Variants in CDC20B observed in about 807,000 individuals in gnomAD.
CDC20B encodes cell division cycle 20B.
In CDC20B, 58 loss-of-function variants were observed where a neutral mutation model predicts 64.1. The ratio of observed to expected loss-of-function variants is 0.90; its 90% CI spans 0.73 to 1.13. The LOEUF (loss-of-function observed/expected upper bound fraction) is 1.13, where lower values mean the gene tolerates loss of function less well. Ranked by LOEUF, CDC20B falls within the 50% of genes most tolerant of loss-of-function variation. The pLI is 0.00. For synonymous variants in CDC20B, 243 were observed against 230.6 expected, an observed-to-expected ratio of 1.05 and a Z score of -0.49; for missense variants, 597 against 633.0, an observed-to-expected ratio of 0.94 and a Z score of 0.61.
chr5:55,120,486 C>T lies in CDC20B; in HGVS notation c.1280G>A (p.Arg427His), dbSNP rs1232072108. The T allele has an allele frequency of 1.9e-6, 3 of 1,613,732 alleles. No individual in the cohort carries two copies. The highest frequency in any genetic ancestry group is 1.7e-5 in the Admixed American group (1 of 59,988). Residue 427 changes from arginine (R) to histidine (H), a missense_variant, in exon 10 of 12, where the codon CGC becomes CAC. Physicochemically the swap from Arg to His is conservative, Grantham distance 29. Around this residue, in one of 3 missense-constraint regions of CDC20B, gnomAD observed 353 missense variants for 397.0 expected, o/e 0.89. Coordinates refer to ENST00000381375, the MANE Select transcript of CDC20B (RefSeq NM_001170402.1). The part of the protein sequence containing the change: ...LAIGGGMKDG[R>H]LHILDINAGK... ...AGCATTTATATCCAAGATGTGTAAG[C>T]GTCCATCCTTCATTCCTCCTCCAAT...
chr5:55,141,006 C>T (rs1561293851), intron 4 of CDC20B, among the ~76,000 whole-genome samples: 2 of 152,192 alleles, frequency 1.3e-5, no homozygotes, highest in Non-Finnish European at 2.9e-5. Context: ...TTCTGTTTTG[C>T]TTCTTCACAA....
intron 2 of CDC20B, among the ~76,000 whole-genome samples, chr5:55,157,198 C>T (rs1743836689): frequency 6.6e-6 from 1 of 152,154 alleles, no homozygotes; most frequent in Non-Finnish European, 1.5e-5. Flanking sequence ...CATACTACCC[C>T]TTATGCAGAG....
chr5:55,160,961 C>T (rs1323667271), intron 2 of CDC20B: 2 of 1,582,500 alleles, frequency 1.3e-6, no homozygotes, highest in Non-Finnish European at 1.7e-6. Context: ...TTTTGCTTCA[C>T]TTTCCGGTTG....
intron 3 of CDC20B, among the ~76,000 whole-genome samples, chr5:55,144,091 G>C (rs1026014513): frequency 1.2e-4 from 18 of 151,824 alleles, no homozygotes; most frequent in African/African-American, 4.1e-4. Flanking sequence ...TGGTTTGCCC[G>C]AGCTATGGTC....
intron 11 of CDC20B, among the ~76,000 whole-genome samples, chr5:55,118,909 C>T (rs1742688530): frequency 6.6e-6 from 1 of 152,194 alleles, no homozygotes; most frequent in African/African-American, 2.4e-5. Flanking sequence ...CACTACCTAA[C>T]ATTGCATATA....
chr5:55,168,446 C>T (rs1307480362), intron 2 of CDC20B, among the ~76,000 whole-genome samples: 2 of 152,030 alleles, frequency 1.3e-5, no homozygotes, highest in Non-Finnish European at 2.9e-5. Flanking sequence ...GTGTGTATCC[C>T]TTTCTTTCCC....
rs34776567 is a variant in CDC20B at position 55,122,273 on chromosome 5, C to CT, written c.1216-1724dup. Among the ~76,000 whole-genome samples the CT allele has an allele frequency of 8.5e-3, 1,253 of 146,936 alleles. 18 individuals carry two copies. Among genetic ancestry groups the CT allele is most frequent in the African/African-American group, 0.029 (1,153 of 39,796 alleles). ...ATTAAACAATTTGGAAGTCTTTTCT[C>CT]TTTTTTTTTTTTTTAAGACACAGTC... On this transcript the variant is annotated intron_variant, in intron 9 of 11. Coordinates refer to ENST00000381375, the MANE Select transcript of CDC20B (RefSeq NM_001170402.1).
At chr5:55,158,024 T>C (rs906030573) in intron 2 of CDC20B, among the ~76,000 whole-genome samples, 2 of 152,184 alleles carry the variant, frequency 1.3e-5, no homozygotes, top group Non-Finnish European at 2.9e-5. Flanking sequence ...ACATCCACTA[T>C]GGAAAACAAA....
chr5:55,139,193 A>C (rs187197738), intron 5 of CDC20B, among the ~76,000 whole-genome samples: 84 of 152,316 alleles, frequency 5.5e-4, no homozygotes, highest in African/African-American at 1.9e-3. Context: ...GCAACAGTGG[A>C]TACTAGAAAA....
rs1178021026 is a variant in CDC20B, at chr5:55,133,506, A to G, written c.603T>C (p.Asp201=). The G allele has an allele frequency of 2.6e-6, 4 of 1,557,740 alleles. No homozygotes were observed. Among genetic ancestry groups the G allele is most frequent in the Non-Finnish European group, 3.5e-6 (4 of 1,141,914 alleles). The change falls in exon 6 of 12, where the codon GAT becomes GAC. Residue 201 remains aspartate (D), a synonymous_variant. Coordinates refer to ENST00000381375, the MANE Select transcript of CDC20B (RefSeq NM_001170402.1). ...VWKGCKDGVR[D]ESFHLKSSGD... Reference sequence around the variant, plus strand: ...CAGAACTTTTAAGATGGAAGGATTCATCTCTGACTCCATCTTTGCAGCCTA... The same window carrying G: ...CAGAACTTTTAAGATGGAAGGATTCGTCTCTGACTCCATCTTTGCAGCCTA...
chr5:55,142,438 T>C (rs1380690564), intron 4 of CDC20B, among the ~76,000 whole-genome samples: 4 of 152,156 alleles, frequency 2.6e-5, no homozygotes, highest in Non-Finnish European at 2.9e-5. Context: ...GGTATAACAA[T>C]TGCTAAGGAG....
chr5:55,161,579 G>A (rs1744066326), intron 2 of CDC20B, among the ~76,000 whole-genome samples: 1 of 152,186 alleles, frequency 6.6e-6, no homozygotes, highest in African/African-American at 2.4e-5. Flanking sequence ...ACTAGCATCT[G>A]GAGAAATGTC....
chr5:55,161,160 C>G lies in CDC20B; in HGVS notation c.126+11428G>C, dbSNP rs371064778. The G allele has an allele frequency of 5.6e-6, 9 of 1,614,052 alleles. No individual in the cohort carries two copies. Among genetic ancestry groups the G allele is most frequent in the Non-Finnish European group, 7.6e-6 (9 of 1,180,022 alleles). On this transcript the variant is annotated intron_variant, in intron 2 of 11. Transcript: ENST00000381375. ...CCCCGCCCAAGCAAGGAAGTAGAAT[C>G]TTTTGCAAGAAAAAACTACGGAGTA...
Position 55,124,922 on chromosome 5 carries a change from C to T in CDC20B, c.1096G>A (p.Asp366Asn). 2 of 1,614,184 alleles carry T rather than the reference C, an allele frequency of 1.2e-6. No homozygotes were observed. Among genetic ancestry groups the T allele is most frequent in the African/African-American group, 2.7e-5 (2 of 75,052 alleles). ...CAGCCGCTGGAAAGCAGCCTGCCAT[C>T]CGGTGACCACTTCAGAGCACACACA... The part of the protein sequence containing the change: ...QAVCALKWSP[D>N]GRLLSSGCSD... Residue 366 changes from aspartate to asparagine, a missense_variant, in exon 9 of 12, where the codon GAT (aspartate) becomes AAT (asparagine). Transcript: ENST00000381375.
At chr5:55,120,749 G>T (rs950173533) in intron 9 of CDC20B, among the ~76,000 whole-genome samples, 199 bp from the exon 10 acceptor site, 1 of 152,154 alleles carries the variant, frequency 6.6e-6, no homozygotes, top group African/African-American at 2.4e-5. Context: ...GGAAGGGAAG[G>T]TACCTAATAC....
At chr5:55,134,721 T>A (rs751438674) in intron 5 of CDC20B, among the ~76,000 whole-genome samples, 1 of 151,904 alleles carries the variant, frequency 6.6e-6, no homozygotes, top group African/African-American at 2.4e-5. Context: ...GGTGACAGAG[T>A]GAGGTTCTGT....
chr5:55,140,100 G>A (rs1743290062), intron 5 of CDC20B, among the ~76,000 whole-genome samples: 1 of 152,108 alleles, frequency 6.6e-6, no homozygotes, highest in Non-Finnish European at 1.5e-5. Flanking sequence ...ATACCAGGAG[G>A]ACAGCTGGAA....
chr5:55,157,008 T>C (rs1474345764), intron 2 of CDC20B, among the ~76,000 whole-genome samples: 1 of 152,246 alleles, frequency 6.6e-6, no homozygotes, highest in South Asian at 2.1e-4. Flanking sequence ...GGCTGGCTCC[T>C]TCCCTTGCAC....
chr5:55,149,508 T>G (rs969212899), intron 2 of CDC20B, among the ~76,000 whole-genome samples: 27 of 152,190 alleles, frequency 1.8e-4, no homozygotes, highest in African/African-American at 6.0e-4. Context: ...CATATGCAAG[T>G]GATCTACATA....
Sources: allele counts gnomAD v4.1 joint callset (sites outside exome capture counted in the v4.1 genomes callset), GRCh38; gene constraint gnomAD v4.1.1; regional missense constraint gnomAD v4.1.1; transcripts MANE v1.5; gene names NCBI Gene and HGNC (gene_info 2026-07-23, HGNC 2026-07-21).